ATXN2L: variants seen among roughly 807,000 people sequenced by gnomAD.
The protein encoded by ATXN2L is ataxin 2 like.
ATXN2L carries 24 observed loss-of-function variants against 120.7 expected under a neutral mutation model. The ratio of observed to expected loss-of-function variants is 0.20; its 90% CI spans 0.14 to 0.28. The LOEUF (loss-of-function observed/expected upper bound fraction) is 0.28, where lower values mean the gene tolerates loss of function less well. Among genes scored for constraint, ATXN2L ranks in the 10% least tolerant of loss-of-function variants. The probability of loss-of-function intolerance (pLI) is 1.00; values close to 1 mark genes in which losing one functional copy is unlikely to be tolerated. For synonymous variants in ATXN2L, 653 were observed against 568.1 expected, an observed-to-expected ratio of 1.15 and a Z score of -2.13; for missense variants, 1,312 against 1,432.3, an observed-to-expected ratio of 0.92 and a Z score of 1.36.
intron 16 of ATXN2L, 22 bp downstream of exon 16, chr16:28,834,233 G>A (rs778826309): frequency 6.2e-7 from 1 of 1,611,754 alleles, no homozygotes; most frequent in South Asian, 1.1e-5. Context: ...GACTGGCCGG[G>A]CCCAGGGTTA....
Position 28,832,811 on chromosome 16 carries a change from T to C in ATXN2L, c.1589-6T>C. 1 of 1,613,994 alleles carries C rather than the reference T, an allele frequency of 6.2e-7. No homozygotes were observed. Among genetic ancestry groups the C allele is most frequent in the Admixed American group, 1.7e-5 (1 of 60,014 alleles). ...TATTTTCTTCTTTTTGACTGTTTTCTCATAGTCCCTGGTCTTCAGAATGAA... is the reference window on the plus strand; with the variant it reads ...TATTTTCTTCTTTTTGACTGTTTTCCCATAGTCCCTGGTCTTCAGAATGAA... On this transcript the variant is annotated splice_polypyrimidine_tract_variant and splice_region_variant and intron_variant, in intron 12 of 21. Transcript: ENST00000336783.
At position 28,832,851 on chromosome 16, in the gene ATXN2L, A is replaced by G. The variant is rs764569451; in HGVS notation, c.1623A>G (p.Gln541=). 1.2e-5 allele frequency: 20 copies of G among 1,614,068 alleles called. No homozygotes were observed. Among genetic ancestry groups the G allele is most frequent in the South Asian group, 4.4e-5 (4 of 91,082 alleles). The change falls in exon 13 of 22, where the codon CAA becomes CAG. Residue 541 remains glutamine (Q), a synonymous_variant. Transcript: ENST00000336783. ...TTCAGAATGAACAGAAACGATTCCA[A>G]CTGGAAGAACTGAGAAAGTTTGGGG... ...PGLQNEQKRF[Q]LEELRKFGAQ...
Position 28,823,158 on chromosome 16 carries a change from G to C in ATXN2L, c.-102G>C, listed in dbSNP as rs1221311199. Reference sequence around the variant, plus strand: ...CCCCGCCCGCCCACGGCGGGCCCCGGCTGCCCGATCCCCCTCGCTTCCCGC... The same window carrying C: ...CCCCGCCCGCCCACGGCGGGCCCCGCCTGCCCGATCCCCCTCGCTTCCCGC... On this transcript the variant is annotated 5_prime_UTR_variant, in exon 1 of 22. Transcript: ENST00000336783. 2 of 742,562 alleles carry C rather than the reference G, an allele frequency of 2.7e-6. No homozygotes were observed. Among genetic ancestry groups the C allele is most frequent in the African/African-American group, 1.9e-5 (1 of 53,598 alleles). The allele number at this position is 742,562 out of a possible 1,614,324, so 46.0% of individuals were successfully genotyped here. A position where few individuals can be genotyped will look rare whatever the true frequency, so the allele number is the denominator to read the frequency against.
chr16:28,827,608 A>T (rs2052633870), intron 6 of ATXN2L, among the ~76,000 whole-genome samples: 2 of 151,170 alleles, frequency 1.3e-5, no homozygotes, highest in Non-Finnish European at 2.9e-5. Context: ...GCAGTGGCTC[A>T]TGCCTGTAGT....
In ATXN2L at chr16:28,833,805, CA is replaced by C. The variant is rs371584242; in HGVS notation, c.2026-259del. ...TGAGGGAGTATTGGAGTGGGGTAGT[CA>C]TGAACAGAGGCCAGCTGACTTGGCT... On this transcript the variant is annotated intron_variant, in intron 15 of 21. Coordinates refer to ENST00000336783, the MANE Select transcript of ATXN2L (RefSeq NM_007245.4). The C allele has an allele frequency of 1.9e-3, 1,204 of 617,602 alleles. 17 individuals are homozygous for C. Among genetic ancestry groups the C allele is most frequent in the South Asian group, 0.012 (616 of 49,756 alleles). The allele number at this position is 617,602 out of a possible 1,614,324, so 38.3% of individuals were successfully genotyped here.
chr16:28,823,556 C>T lies in ATXN2L; in HGVS notation c.297C>T (p.Ala99=), dbSNP rs571008488. ...ERPGAAAIGS[A]RGQSTGKGPP... ...CGGGGGCAGCCGCCATCGGCAGCGCCAGGTGAGAAGGGTGGGCTCCGGGCG... is the reference window on the plus strand; with the variant it reads ...CGGGGGCAGCCGCCATCGGCAGCGCTAGGTGAGAAGGGTGGGCTCCGGGCG... Residue 99 remains alanine (A), a splice_region_variant and synonymous_variant, in exon 1 of 22, where the codon GCC becomes GCT. Coordinates refer to ENST00000336783, the MANE Select transcript of ATXN2L (RefSeq NM_007245.4). 7.4e-6 allele frequency: 10 copies of T among 1,351,366 alleles called. No homozygotes were observed. The South Asian group carries it at 1.6e-4, about 22-fold the overall frequency. 83.7% of individuals were successfully genotyped at this position (1,351,366 alleles called of 1,614,324 possible).
In ATXN2L at chr16:28,834,622, A is replaced by G. The variant is rs1959277345; in HGVS notation, c.2362A>G (p.Ile788Val). 7 of 1,613,710 alleles carry G rather than the reference A, an allele frequency of 4.3e-6. No homozygotes were observed. Among genetic ancestry groups the G allele is most frequent in the Admixed American group, 1.7e-5 (1 of 59,970 alleles). ...LVAATPYSSY[I>V]PYNPQQFPGQ... Reference sequence around the variant, plus strand: ...GGCTGCCACGCCCTATTCTTCCTACATCCCCTACAACCCTCAGCAGTTCCC... The same window carrying G: ...GGCTGCCACGCCCTATTCTTCCTACGTCCCCTACAACCCTCAGCAGTTCCC... The change falls in exon 18 of 22, where the codon ATC becomes GTC. Residue 788 changes from isoleucine to valine, a missense_variant. Transcript: ENST00000336783.
chr16:28,836,593 G>A lies in ATXN2L; in HGVS notation c.*328G>A. On this transcript the variant is annotated 3_prime_UTR_variant, in exon 22 of 22. Coordinates refer to ENST00000336783, the MANE Select transcript of ATXN2L (RefSeq NM_007245.4). ...GAAACAGCGATTGACCTGTGCTTCT[G>A]ACAGCCCCCGAGACACCTTGAGGAG... 9 of 1,573,340 alleles carry A rather than the reference G, an allele frequency of 5.7e-6. No homozygotes were observed. Among genetic ancestry groups the A allele is most frequent in the African/African-American group, 1.4e-5 (1 of 73,946 alleles).
Position 28,835,664 on chromosome 16 carries a change from C to T in ATXN2L, c.2801C>T (p.Ser934Phe). 6.2e-7 allele frequency: 1 copy of T among 1,614,110 alleles called. No individual in the cohort carries two copies. The highest frequency in any genetic ancestry group is 8.5e-7 in the Non-Finnish European group (1 of 1,180,002). Residue 934 changes from serine to phenylalanine, a missense_variant, in exon 21 of 22, where the codon TCC becomes TTC. Coordinates refer to ENST00000336783, the MANE Select transcript of ATXN2L (RefSeq NM_007245.4). The stretch of plus-strand genomic sequence containing the variant: ...CTGCCACCGGGACCTTCTGCCCAGT[C>T]CCCTCAGAGCAGCTTCCCCCAGCCA... ...PSLPPGPSAQ[S>F]PQSSFPQPAA...
chr16:28,837,086 G>C lies in ATXN2L; in HGVS notation c.*821G>C. The C allele has an allele frequency of 1.8e-6, 1 of 552,710 alleles. No homozygotes were observed. The highest frequency in any genetic ancestry group is 3.4e-6 in the Non-Finnish European group (1 of 292,704). The allele number at this position is 552,710 out of a possible 1,614,324, so 34.2% of individuals were successfully genotyped here. A position where few individuals can be genotyped will look rare whatever the true frequency, so the allele number is the denominator to read the frequency against. On this transcript the variant is annotated 3_prime_UTR_variant, in exon 22 of 22. Coordinates refer to ENST00000336783, the MANE Select transcript of ATXN2L (RefSeq NM_007245.4). ...TCTATTATTTATAACTTCAGACTTG[G>C]GCCCCCTGTTCTTTCTTTCCCATTA...
chr16:28,834,806 G>T, intron 18 of ATXN2L, 113 bp downstream of exon 18: 1 of 1,310,322 alleles, frequency 7.6e-7, no homozygotes, highest in South Asian at 1.5e-5. Flanking sequence ...AGGTGGGATC[G>T]GCCCTCTGTG....
chr16:28,823,643 A>G, intron 1 of ATXN2L, 85 bp downstream of exon 1: 2 of 1,211,078 alleles, frequency 1.7e-6, no homozygotes, highest in South Asian at 3.0e-5. Flanking sequence ...CCGACCCGGC[A>G]CCGTCAGGGG....
At chr16:28,824,315 G>A (rs1267901810) in intron 1 of ATXN2L, 2 of 1,200,230 alleles carry the variant, frequency 1.7e-6, no homozygotes, top group East Asian at 5.9e-5. Context: ...ATGGAATTAA[G>A]AGTGGCAGCA....
At position 28,837,001 on chromosome 16, in the gene ATXN2L, C is replaced by A. The variant is rs563669491; in HGVS notation, c.*736C>A. ...TGCTCTGCCCCTGCCCGTCCCCACC[C>A]AGTCTTGCCCTCCCATCCTCTCATC... is the stretch of plus-strand genomic sequence containing the variant. On this transcript the variant is annotated 3_prime_UTR_variant, in exon 22 of 22. Coordinates refer to ENST00000336783, the MANE Select transcript of ATXN2L (RefSeq NM_007245.4). 173 of 664,168 alleles carry A rather than the reference C, an allele frequency of 2.6e-4. 1 individual carries two copies. The African/African-American group carries it at 3.0e-3, about 11-fold the overall frequency. The allele number at this position is 664,168 out of a possible 1,614,324, so 41.1% of individuals were successfully genotyped here.
At position 28,823,150 on chromosome 16, in the gene ATXN2L, G is replaced by A. The variant is rs1204635093; in HGVS notation, c.-110G>A. On this transcript the variant is annotated 5_prime_UTR_variant, in exon 1 of 22. Transcript: ENST00000336783. ...GGGGCTCCCCCCGCCCGCCCACGGC[G>A]GGCCCCGGCTGCCCGATCCCCCTCG... 5.1e-6 allele frequency: 3 copies of A among 591,770 alleles called. No individual in the cohort carries two copies. Among genetic ancestry groups the A allele is most frequent in the Non-Finnish European group, 7.1e-6 (3 of 420,820 alleles). The allele number at this position is 591,770 out of a possible 1,614,324, so 36.7% of individuals were successfully genotyped here.
At chr16:28,827,302 C>T (rs1428139515) in intron 6 of ATXN2L, among the ~76,000 whole-genome samples, 1 of 152,088 alleles carries the variant, frequency 6.6e-6, no homozygotes, top group Admixed American at 6.5e-5. Context: ...GGTTTGGTGG[C>T]ATGTACCTGT....
At position 28,834,444 on chromosome 16, in the gene ATXN2L, G is replaced by T. The variant is rs774558116; in HGVS notation, c.2245+29G>T. 4 of 1,613,416 alleles carry T rather than the reference G, an allele frequency of 2.5e-6. No homozygotes were observed. The Admixed American group carries it at 5.0e-5, about 20-fold the overall frequency. ...AGCAGGGCTGGGAGGGGCAGGCGGCGAGGCTGCCAAGGGCCTACTGGCAGG... is the reference window on the plus strand; with the variant it reads ...AGCAGGGCTGGGAGGGGCAGGCGGCTAGGCTGCCAAGGGCCTACTGGCAGG... On this transcript the variant is annotated intron_variant, in intron 17 of 21. Coordinates refer to ENST00000336783, the MANE Select transcript of ATXN2L (RefSeq NM_007245.4).
At chr16:28,828,792 A>C (rs2053239623) in intron 6 of ATXN2L, among the ~76,000 whole-genome samples, 1 of 151,950 alleles carries the variant, frequency 6.6e-6, no homozygotes, top group Non-Finnish European at 1.5e-5. Context: ...TCTGTCACTC[A>C]GGCTGGAGGC....
rs373923639 is a variant in ATXN2L at position 28,831,034 on chromosome 16, G to A, written c.1283G>A (p.Arg428Lys). Residue 428 changes from arginine to lysine, a missense_variant, in exon 10 of 22, where the codon AGG (arginine) becomes AAG (lysine). Coordinates refer to ENST00000336783, the MANE Select transcript of ATXN2L (RefSeq NM_007245.4). The part of the protein sequence containing the change: ...GAKTLSSPSN[R>K]PSGETSVPPP... ...AAGACTCTGTCTTCGCCCAGTAATA[G>A]GCCTTCTGGAGAAACTTCTGTTCCA... The A allele has an allele frequency of 1.9e-5, 30 of 1,611,664 alleles. No homozygotes were observed. The highest frequency in any genetic ancestry group is 2.5e-5 in the Non-Finnish European group (29 of 1,179,528).
Sources: gnomAD v4.1 joint callset for allele counts (sites outside exome capture counted in the v4.1 genomes callset) on GRCh38, gnomAD v4.1.1 for gene constraint, MANE v1.5 for transcripts, NCBI Gene and HGNC (gene_info 2026-07-23, HGNC 2026-07-21) for gene names.